KPNA7: variants seen among roughly 807,000 people sequenced by gnomAD.
KPNA7 encodes importin subunit alpha-8.
A neutral mutation model predicts 53.7 loss-of-function variants in KPNA7; 54 were observed. The ratio of observed to expected loss-of-function variants is 1.01; its 90% CI spans 0.81 to 1.26. The LOEUF (loss-of-function observed/expected upper bound fraction) is 1.26, where lower values mean the gene tolerates loss of function less well. KPNA7 is among the 50% of genes most tolerant of loss of function. The pLI, the probability that KPNA7 is intolerant of heterozygous loss-of-function variation, is 0.00. For synonymous variants in KPNA7, 276 were observed against 259.3 expected, an observed-to-expected ratio of 1.06 and a Z score of -0.62; for missense variants, 640 against 644.5, an observed-to-expected ratio of 0.99 and a Z score of 0.07.
chr7:99,180,578 T>C (rs1050630646), intron 9 of KPNA7, among the ~76,000 whole-genome samples: 5 of 145,118 alleles, frequency 3.4e-5, no homozygotes, highest in Admixed American at 6.8e-5. Flanking sequence ...CATCTGTCTC[T>C]GTCCATCTCT....
chr7:99,182,832 A>G (rs1428231402), intron 8 of KPNA7, among the ~76,000 whole-genome samples: 2 of 152,162 alleles, frequency 1.3e-5, no homozygotes, highest in Non-Finnish European at 2.9e-5. Flanking sequence ...GTTTTAGATG[A>G]CAGTGGCCTA....
Position 99,207,424 on chromosome 7 carries a change from T to G in KPNA7, c.43A>C (p.Lys15Gln). Residue 15 changes from lysine (K) to glutamine (Q), a missense_variant, in exon 2 of 11, where the codon AAG (lysine) becomes CAG (glutamine). Transcript: ENST00000327442. ...DAPEERRRKF[K>Q]YRGKDVSLRR... ...ACAGACACATCTTTGCCTCGGTACT[T>G]AAATTTTCTCCGCCTCTCTTCTGGA... The G allele has an allele frequency of 6.4e-7, 1 of 1,551,406 alleles. No homozygotes were observed. The highest frequency in any genetic ancestry group is 8.7e-7 in the Non-Finnish European group (1 of 1,146,918).
intron 1 of KPNA7, among the ~76,000 whole-genome samples, chr7:99,218,918 C>T (rs566785503): frequency 4.9e-4 from 75 of 152,370 alleles, no homozygotes; most frequent in African/African-American, 1.7e-3. Context: ...TGCACACATT[C>T]GCACTTTCTC....
the KPNA7 span, among the ~76,000 whole-genome samples, chr7:99,166,626 TTTA>T: frequency 1.0e-4 from 15 of 149,656 alleles, no homozygotes; most frequent in South Asian, 6.4e-4. Flanking sequence ...TTCTATTTTA[TTTA>T]TTTTTTTTGA....
the KPNA7 span, among the ~76,000 whole-genome samples, chr7:99,157,853 C>T: frequency 6.6e-6 from 1 of 152,058 alleles, no homozygotes; most frequent in Non-Finnish European, 1.5e-5. Flanking sequence ...CAGCTCACTG[C>T]AGCCTCGACC....
intron 9 of KPNA7, among the ~76,000 whole-genome samples, chr7:99,181,335 A>T (rs1799264315): frequency 6.6e-6 from 1 of 152,088 alleles, no homozygotes; most frequent in South Asian, 2.1e-4. Flanking sequence ...TCCCTACCTG[A>T]TGTGTCTGTT....
In KPNA7 at chr7:99,195,408, G is replaced by A. The variant is rs1790178541; in HGVS notation, c.285-70C>T. 3 of 1,426,982 alleles carry A rather than the reference G, an allele frequency of 2.1e-6. No homozygotes were observed. The South Asian group carries it at 4.0e-5, about 19-fold the overall frequency. The allele number at this position is 1,426,982 out of a possible 1,614,324, so 88.4% of individuals were successfully genotyped here. ...AGAGGTATTAAGGACCTCCTTTTAGGCCAGGTGCGGTGGCTCACACCTGTA... is the reference window on the plus strand; with the variant it reads ...AGAGGTATTAAGGACCTCCTTTTAGACCAGGTGCGGTGGCTCACACCTGTA... On this transcript the variant is annotated intron_variant, in intron 4 of 10. Transcript: ENST00000327442.
At chr7:99,182,901 G>A (rs913217385) in intron 8 of KPNA7, among the ~76,000 whole-genome samples, 2 of 152,070 alleles carry the variant, frequency 1.3e-5, no homozygotes, top group African/African-American at 2.4e-5. Flanking sequence ...CTGTAAGCCT[G>A]GGTACACAGA....
the KPNA7 span, among the ~76,000 whole-genome samples, chr7:99,156,187 C>T: frequency 6.6e-6 from 1 of 152,014 alleles, no homozygotes; most frequent in Non-Finnish European, 1.5e-5. Context: ...TTCCTTAGTA[C>T]TTGAAATGTA....
At chr7:99,152,266 G>A in the KPNA7 span, among the ~76,000 whole-genome samples, 2 of 151,640 alleles carry the variant, frequency 1.3e-5, no homozygotes, top group East Asian at 3.9e-4. Flanking sequence ...GGAGGCTGAG[G>A]CAGGAGAATT....
chr7:99,199,131 C>A (rs1289395247), intron 3 of KPNA7, among the ~76,000 whole-genome samples: 4 of 134,142 alleles, frequency 3.0e-5, no homozygotes. Context: ...GACTGGAAGA[C>A]TTAACATTGT....
chr7:99,156,130 G>A, the KPNA7 span, among the ~76,000 whole-genome samples: 1 of 151,892 alleles, frequency 6.6e-6, no homozygotes, highest in East Asian at 1.9e-4. Context: ...TGGGAGGTGG[G>A]GTATATAATT....
chr7:99,176,071 G>T (rs2150695821), intron 10 of KPNA7, among the ~76,000 whole-genome samples: 1 of 152,058 alleles, frequency 6.6e-6, no homozygotes, highest in South Asian at 2.1e-4. Context: ...GCCCGAGGCA[G>T]GCGGATCACG....
At chr7:99,201,564 G>T (rs941298208) in intron 3 of KPNA7, among the ~76,000 whole-genome samples, 1 of 151,364 alleles carries the variant, frequency 6.6e-6, no homozygotes, top group Non-Finnish European at 1.5e-5. Context: ...TCGGGAGGCT[G>T]AGGCAGAAGA....
intron 7 of KPNA7, among the ~76,000 whole-genome samples, chr7:99,187,548 C>G (rs574040680): frequency 7.4e-5 from 10 of 135,068 alleles, no homozygotes; most frequent in African/African-American, 2.8e-4. Context: ...ACCACCACAC[C>G]CAGCTAATTT....
At chr7:99,158,967 C>T in the KPNA7 span, among the ~76,000 whole-genome samples, 2 of 151,874 alleles carry the variant, frequency 1.3e-5, no homozygotes, top group South Asian at 2.1e-4. Context: ...TGGGTTCAAG[C>T]GATTTTCCTG....
the KPNA7 span, among the ~76,000 whole-genome samples, chr7:99,146,743 A>C: frequency 1.6e-4 from 20 of 122,642 alleles, no homozygotes; most frequent in African/African-American, 5.3e-4. Context: ...AAAAAAAAAA[A>C]AAAAACAACG....
chr7:99,176,348 A>G (rs1242997806), intron 10 of KPNA7, among the ~76,000 whole-genome samples: 3 of 151,944 alleles, frequency 2.0e-5, no homozygotes, highest in Middle Eastern at 3.4e-3. Context: ...AATTTCTGAT[A>G]TAAGTGCAAA....
intron 9 of KPNA7, among the ~76,000 whole-genome samples, chr7:99,181,168 C>T (rs1321204861): frequency 1.2e-5 from 1 of 81,948 alleles, no homozygotes; most frequent in Admixed American, 1.3e-4. Context: ...TCTCTCTCTC[C>T]GTCTGTGTCT....
Sources: allele counts gnomAD v4.1 joint callset (sites outside exome capture counted in the v4.1 genomes callset), GRCh38; gene constraint gnomAD v4.1.1; transcripts MANE v1.5; gene names NCBI Gene and HGNC (gene_info 2026-07-23, HGNC 2026-07-21).